PACSIN2: variants seen among roughly 807,000 people sequenced by gnomAD.
PACSIN2 encodes the protein protein kinase C and casein kinase substrate in neurons protein 2.
PACSIN2 carries 25 observed loss-of-function variants against 63.8 expected under a neutral mutation model. The ratio of observed to expected loss-of-function variants is 0.39; its 90% CI spans 0.29 to 0.55. The LOEUF is 0.55. Ranked by LOEUF, PACSIN2 falls within the 20% of genes least tolerant of loss-of-function variation. The pLI is 0.62. For synonymous variants in PACSIN2, 255 were observed against 256.2 expected (o/e 1.00, Z 0.05); for missense variants, 518 against 646.9 (o/e 0.80, Z 2.16).
At chr22:42,997,523 A>C (rs1379411086) in intron 1 of PACSIN2, among the ~76,000 whole-genome samples, 11 of 151,602 alleles carry the variant, frequency 7.3e-5, no homozygotes, top group Non-Finnish European at 1.2e-4. Flanking sequence ...GCGCCACTGC[A>C]CTCCAGCCTG....
chr22:43,012,747 G>A (rs1373603429), intron 1 of PACSIN2, among the ~76,000 whole-genome samples: 1 of 152,034 alleles, frequency 6.6e-6, no homozygotes, highest in Non-Finnish European at 1.5e-5. Context: ...CCGCCTCCTG[G>A]GTTCAAGCAA....
In PACSIN2 at chr22:43,005,154, T is replaced by A. The variant is rs779938420; in HGVS notation, c.-78+9867A>T. ...CTATCACTGCTGCGTGTTATCTTAA[T>A]ACAATTTCACACAGGTGAGCAGTGC... On this transcript the variant is annotated intron_variant, in intron 1 of 10. Transcript: ENST00000263246. Among the ~76,000 whole-genome samples the A allele has an allele frequency of 2.0e-5, 3 of 152,254 alleles. No individual in the cohort carries two copies. In the East Asian group the frequency reaches 5.8e-4, roughly 29 times the overall value.
At chr22:42,978,185 A>G (rs12170958) in intron 1 of PACSIN2, among the ~76,000 whole-genome samples, 1,878 of 152,306 alleles carry the variant, frequency 0.012, 42 homozygotes, top group African/African-American at 0.043. Context: ...GGGGTGTGTA[A>G]GCTCAAGAGA....
chr22:42,953,447 A>G (rs140276319), intron 1 of PACSIN2, among the ~76,000 whole-genome samples: 1 of 152,380 alleles, frequency 6.6e-6, no homozygotes, highest in Non-Finnish European at 1.5e-5. Context: ...GGGCCTAGCC[A>G]CTGCAATAAG....
intron 2 of PACSIN2, among the ~76,000 whole-genome samples, chr22:42,899,295 CT>C (rs951723731): frequency 8.6e-5 from 13 of 151,808 alleles, no homozygotes; most frequent in Admixed American, 3.9e-4. Flanking sequence ...TTTTCTTTTT[CT>C]TTTTTTTTGA....
intron 1 of PACSIN2, among the ~76,000 whole-genome samples, chr22:42,931,174 G>T (rs952735922): frequency 6.6e-6 from 1 of 152,196 alleles, no homozygotes; most frequent in South Asian, 2.1e-4. Flanking sequence ...TGTATCCCAC[G>T]GCTGGGCACA....
chr22:42,950,902 C>A (rs1416682125), intron 1 of PACSIN2, among the ~76,000 whole-genome samples: 1 of 152,054 alleles, frequency 6.6e-6, no homozygotes, highest in Non-Finnish European at 1.5e-5. Context: ...GATTTCAAAG[C>A]CACACCAGTA....
At chr22:42,904,630 A>G (rs1372920654) in intron 2 of PACSIN2, among the ~76,000 whole-genome samples, 1 of 152,180 alleles carries the variant, frequency 6.6e-6, no homozygotes, top group Non-Finnish European at 1.5e-5. Context: ...GGGAAACGCC[A>G]GCTGGGAAAA....
At chr22:42,932,866 G>A (rs1342629284) in intron 1 of PACSIN2, among the ~76,000 whole-genome samples, 1 of 151,910 alleles carries the variant, frequency 6.6e-6, no homozygotes, top group Non-Finnish European at 1.5e-5. Flanking sequence ...ACACCCCCCT[G>A]TCCACATGCC....
At chr22:42,949,664 CTACACACACACA>C (rs1163691882) in intron 1 of PACSIN2, among the ~76,000 whole-genome samples, 1 of 151,560 alleles carries the variant, frequency 6.6e-6, no homozygotes, top group Non-Finnish European at 1.5e-5. Flanking sequence ...AATACCCCCA[CTACACACACACA>C]TACACTCACA....
At chr22:42,952,720 T>A (rs1256284923) in intron 1 of PACSIN2, among the ~76,000 whole-genome samples, 2 of 151,638 alleles carry the variant, frequency 1.3e-5, no homozygotes, top group South Asian at 2.1e-4. Context: ...TGGAGTGCAG[T>A]GGAGCGATCT....
At chr22:42,933,647 T>A (rs368514545) in intron 1 of PACSIN2, among the ~76,000 whole-genome samples, 1 of 152,080 alleles carries the variant, frequency 6.6e-6, no homozygotes, top group African/African-American at 2.4e-5. Context: ...ACAGATGACA[T>A]AGGTCCACCC....
At chr22:42,956,269 T>C (rs892057808) in intron 1 of PACSIN2, among the ~76,000 whole-genome samples, 2 of 152,228 alleles carry the variant, frequency 1.3e-5, no homozygotes, top group Non-Finnish European at 2.9e-5. Flanking sequence ...AAATAAAATA[T>C]GTACCATGAG....
intron 10 of PACSIN2, among the ~76,000 whole-genome samples, chr22:42,874,036 G>A (rs888004264): frequency 2.6e-5 from 4 of 151,956 alleles, no homozygotes; most frequent in Non-Finnish European, 5.9e-5. Flanking sequence ...GTGATCCTTC[G>A]GCCTTGGCCT....
chr22:42,962,769 T>C (rs141862500), intron 1 of PACSIN2, among the ~76,000 whole-genome samples: 481 of 2,268 alleles, frequency 0.21, 5 homozygotes, highest in African/African-American at 0.39. Context: ...AAGAGCAAGG[T>C]GTGGGCGGGG....
At chr22:42,972,081 GAAAAGA>G (rs1921366322) in intron 1 of PACSIN2, among the ~76,000 whole-genome samples, 1 of 152,254 alleles carries the variant, frequency 6.6e-6, no homozygotes, top group Non-Finnish European at 1.5e-5. Flanking sequence ...GAAATGTGGG[GAAAAGA>G]AAGAGAAGTC....
At chr22:42,928,316 ATATCACCTGCC>A (rs1932666394) in intron 1 of PACSIN2, among the ~76,000 whole-genome samples, 1 of 152,218 alleles carries the variant, frequency 6.6e-6, no homozygotes, top group South Asian at 2.1e-4. Context: ...AGGCGATGAA[ATATCACCTGCC>A]ATCTTACACA....
At chr22:42,874,882 GCT>G (rs1217122323) in intron 10 of PACSIN2, among the ~76,000 whole-genome samples, 1 of 98,482 alleles carries the variant, frequency 1.0e-5, no homozygotes, top group Non-Finnish European at 2.1e-5. Flanking sequence ...AAAGAGTTTT[GCT>G]CTGTCGCCCA....
At chr22:43,005,197 G>C (rs527412390) in intron 1 of PACSIN2, among the ~76,000 whole-genome samples, 2 of 152,308 alleles carry the variant, frequency 1.3e-5, no homozygotes, top group Non-Finnish European at 2.9e-5. Flanking sequence ...TTTATCATTT[G>C]CTTTCTAAGT....
Sources: gnomAD v4.1 joint callset for allele counts (sites outside exome capture counted in the v4.1 genomes callset) on GRCh38, gnomAD v4.1.1 for gene constraint, MANE v1.5 for transcripts, NCBI Gene and HGNC (gene_info 2026-07-23, HGNC 2026-07-21) for gene names.